IGF2BP2: variants seen among roughly 807,000 people sequenced by gnomAD.
IGF2BP2 encodes the protein insulin like growth factor 2 mRNA binding protein 2.
Under a neutral mutation model 75.8 loss-of-function variants are expected in IGF2BP2, and 17 were observed. The ratio of observed to expected loss-of-function variants is 0.22; its 90% CI spans 0.15 to 0.34. IGF2BP2 has a LOEUF of 0.34. Ranked by LOEUF, IGF2BP2 falls within the 10% of genes least tolerant of loss-of-function variation. IGF2BP2 has a pLI of 1.00. For missense variants in IGF2BP2, 516 were observed against 772.4 expected, an observed-to-expected ratio of 0.67 and a Z score of 3.93; for synonymous variants, 288 against 295.6, an observed-to-expected ratio of 0.97 and a Z score of 0.26.
At chr3:185,747,379 C>T (rs747582053) in intron 2 of IGF2BP2, among the ~76,000 whole-genome samples, 9 of 152,062 alleles carry the variant, frequency 5.9e-5, no homozygotes, top group Admixed American at 2.6e-4. Context: ...TCTGTTATTA[C>T]GGGTTTTAAA....
chr3:185,682,427 G>A (rs1476462507), intron 7 of IGF2BP2, among the ~76,000 whole-genome samples: 1 of 152,258 alleles, frequency 6.6e-6, no homozygotes, highest in East Asian at 1.9e-4. Flanking sequence ...CTCACCAGAT[G>A]CTGACATCAC....
intron 10 of IGF2BP2, among the ~76,000 whole-genome samples, chr3:185,660,060 G>A (rs1367550428): frequency 2.0e-5 from 3 of 152,186 alleles, no homozygotes; most frequent in African/African-American, 7.2e-5. Context: ...TCCCTTTAAA[G>A]TGCTGAGGTT....
chr3:185,659,288 G>A (rs897163873), intron 10 of IGF2BP2, among the ~76,000 whole-genome samples: 1 of 152,136 alleles, frequency 6.6e-6, no homozygotes, highest in Non-Finnish European at 1.5e-5. Context: ...TGTGGAGAGA[G>A]AGGAGCAGGG....
At chr3:185,752,725 T>TA (rs1560413007) in intron 2 of IGF2BP2, among the ~76,000 whole-genome samples, 9 of 151,948 alleles carry the variant, frequency 5.9e-5, no homozygotes. Flanking sequence ...GCCTCCTGAG[T>TA]AGCTGGTATT....
intron 2 of IGF2BP2, among the ~76,000 whole-genome samples, chr3:185,805,915 T>G (rs1738963870): frequency 6.6e-6 from 1 of 151,430 alleles, no homozygotes; most frequent in African/African-American, 2.4e-5. Context: ...GGATTACAGG[T>G]GCCCACCACC....
intron 2 of IGF2BP2, 146 bp from the exon 3 acceptor site, chr3:185,698,493 T>A: frequency 2.8e-6 from 2 of 708,758 alleles, no homozygotes; most frequent in Non-Finnish European, 4.8e-6. Context: ...CTGTGAATCA[T>A]GAGCATAGTT....
At chr3:185,726,422 G>A (rs1323184834) in intron 2 of IGF2BP2, among the ~76,000 whole-genome samples, 5 of 152,188 alleles carry the variant, frequency 3.3e-5, no homozygotes, top group Non-Finnish European at 5.9e-5. Flanking sequence ...GGGTCTGGAA[G>A]CGGGAAGCAG....
chr3:185,683,870 G>A lies in IGF2BP2; in HGVS notation c.812+3187C>T, dbSNP rs560868561. Among the ~76,000 whole-genome samples the A allele has an allele frequency of 2.0e-4, 30 of 152,316 alleles. No individual in the cohort carries two copies. In the South Asian group the frequency reaches 2.3e-3, roughly 12 times the overall value. The stretch of plus-strand genomic sequence containing the variant: ...GTCATCCTATTATAACCAAGGGAAC[G>A]TGAGACATGCTGAGGAACGTAGAGC... On this transcript the variant is annotated intron_variant, in intron 7 of 15. Transcript: ENST00000382199.
intron 10 of IGF2BP2, among the ~76,000 whole-genome samples, chr3:185,672,248 A>G (rs1718628313): frequency 1.3e-5 from 2 of 152,176 alleles, no homozygotes; most frequent in Non-Finnish European, 1.5e-5. Context: ...TGAGCTAACA[A>G]GTTCTTTTCT....
chr3:185,810,361 A>G (rs1739633427), intron 2 of IGF2BP2, among the ~76,000 whole-genome samples: 2 of 152,232 alleles, frequency 1.3e-5, no homozygotes, highest in South Asian at 4.1e-4. Context: ...TTAAATACAG[A>G]AAAGTGCAGC....
At chr3:185,646,897 C>T in intron 15 of IGF2BP2, 128 bp downstream of exon 15, 1 of 699,536 alleles carries the variant, frequency 1.4e-6, no homozygotes, top group East Asian at 2.6e-5. Context: ...CCAGGAAGAA[C>T]CAGGGAGAGG....
intron 10 of IGF2BP2, among the ~76,000 whole-genome samples, chr3:185,659,685 C>T (rs563008483): frequency 6.1e-4 from 92 of 152,004 alleles, no homozygotes; most frequent in African/African-American, 2.2e-3. Flanking sequence ...CAAGTAGCTG[C>T]TTTTTACTGA....
intron 2 of IGF2BP2, among the ~76,000 whole-genome samples, chr3:185,802,227 A>G (rs1224870108): frequency 1.6e-5 from 2 of 125,964 alleles, no homozygotes; most frequent in Non-Finnish European, 3.3e-5. Flanking sequence ...CCAGAGGAGC[A>G]CACAGGTAGA....
intron 5 of IGF2BP2, among the ~76,000 whole-genome samples, chr3:185,689,893 G>A (rs1203963191): frequency 6.6e-5 from 10 of 150,810 alleles, no homozygotes; most frequent in African/African-American, 1.5e-4. Flanking sequence ...GCGTGAACCC[G>A]GGAGGCGGAG....
At chr3:185,772,989 G>C (rs1293647438) in intron 2 of IGF2BP2, among the ~76,000 whole-genome samples, 1 of 152,148 alleles carries the variant, frequency 6.6e-6, no homozygotes, top group African/African-American at 2.4e-5. Context: ...CCAAGCTCCA[G>C]GATTTAAATG....
intron 2 of IGF2BP2, among the ~76,000 whole-genome samples, chr3:185,793,096 A>C (rs16860234): frequency 0.32 from 49,229 of 152,070 alleles, 8,488 homozygotes; most frequent in African/African-American, 0.44. Context: ...TTGGCTACTG[A>C]TTCTATTCTA....
chr3:185,689,307 G>A (rs771455695), intron 6 of IGF2BP2, 48 bp downstream of exon 6: 40 of 1,586,352 alleles, frequency 2.5e-5, no homozygotes, highest in Admixed American at 3.5e-5. Flanking sequence ...CCACCAGCAC[G>A]CAGGGGACCC....
chr3:185,689,967 CAAAA>C (rs5855070), intron 5 of IGF2BP2, among the ~76,000 whole-genome samples: 12 of 118,182 alleles, frequency 1.0e-4, no homozygotes, highest in African/African-American at 1.6e-4. Context: ...GACTCCGTCT[CAAAA>C]AAAAAAAAAA....
chr3:185,757,594 T>G (rs1261172945), intron 2 of IGF2BP2, among the ~76,000 whole-genome samples: 1 of 151,580 alleles, frequency 6.6e-6, no homozygotes, highest in Non-Finnish European at 1.5e-5. Context: ...TCCTCCCAAG[T>G]AGCTGGACTA....
Sources: allele counts gnomAD v4.1 joint callset (sites outside exome capture counted in the v4.1 genomes callset), GRCh38; gene constraint gnomAD v4.1.1; transcripts MANE v1.5; gene names NCBI Gene and HGNC (gene_info 2026-07-23, HGNC 2026-07-21).